The following TCEA1 variants were observed in gnomAD, a reference collection of about 807,000 sequenced individuals.
The protein encoded by TCEA1 is transcription elongation factor A1.
TCEA1 carries 21 observed loss-of-function variants against 43.8 expected under a neutral mutation model. The observed-to-expected ratio is 0.48, with a 90% CI of 0.34 to 0.69. The LOEUF (loss-of-function observed/expected upper bound fraction) is 0.69, where lower values mean the gene tolerates loss of function less well. Among genes scored for constraint, TCEA1 ranks in the 30% least tolerant of loss-of-function variants. TCEA1 has a pLI of 0.01. For missense variants in TCEA1, 250 were observed against 365.1 expected (o/e 0.68, Z 2.57); for synonymous variants, 104 against 117.5 (o/e 0.88, Z 0.75).
chr8:53,982,802 T>C (rs1332953007), intron 7 of TCEA1, among the ~76,000 whole-genome samples: 1 of 152,022 alleles, frequency 6.6e-6, no homozygotes, highest in Non-Finnish European at 1.5e-5. Context: ...CTATTCCTGG[T>C]GAAGATGCTG....
chr8:53,997,550 G>C (rs1213337138), intron 3 of TCEA1, among the ~76,000 whole-genome samples: 1 of 152,130 alleles, frequency 6.6e-6, no homozygotes, highest in Non-Finnish European at 1.5e-5. Flanking sequence ...TGTACAACCT[G>C]ATCTAATCAT....
chr8:53,999,760 C>T, intron 3 of TCEA1, 185 bp downstream of exon 3: 2 of 492,556 alleles, frequency 4.1e-6, no homozygotes, highest in Non-Finnish European at 3.6e-6. Context: ...TTTGACTGGC[C>T]TAAAAGGCAA....
In TCEA1 at chr8:53,967,499, A is replaced by G. The variant is rs1179527209; in HGVS notation, c.*605T>C. ...TAATATACATGTACAAGAAATTACA[A>G]GAAATGATGATCACGGTTAGTTACA... On this transcript the variant is annotated 3_prime_UTR_variant, in exon 10 of 10. Transcript: ENST00000521604. The G allele has an allele frequency of 5.0e-6, 1 of 200,802 alleles. No individual in the cohort carries two copies. Among genetic ancestry groups the G allele is most frequent in the African/African-American group, 2.3e-5 (1 of 43,642 alleles). 12.4% of individuals were successfully genotyped at this position (200,802 alleles called of 1,614,324 possible).
intron 8 of TCEA1, chr8:53,973,677 C>A: frequency 1.8e-6 from 1 of 556,132 alleles, no homozygotes; most frequent in Non-Finnish European, 3.5e-6. Flanking sequence ...GAAGAAAAAG[C>A]AGCTCATGAA....
intron 2 of TCEA1, 179 bp downstream of exon 2, chr8:54,010,251 G>T (rs1330308374): frequency 7.3e-6 from 4 of 546,028 alleles, no homozygotes; most frequent in Non-Finnish European, 1.3e-5. Flanking sequence ...AGGCGACATT[G>T]CTCTATAATG....
chr8:53,984,298 T>C, intron 7 of TCEA1, 65 bp downstream of exon 7: 1 of 1,441,586 alleles, frequency 6.9e-7, no homozygotes, highest in Non-Finnish European at 9.3e-7. Flanking sequence ...TCTATGATGA[T>C]AATAGGCTTT....
Position 53,987,133 on chromosome 8 carries a change from C to A in TCEA1, c.467-108G>T, listed in dbSNP as rs191514085. 5.3e-3 allele frequency: 4,748 copies of A among 900,624 alleles called. 26 individuals are homozygous for A. Among genetic ancestry groups the A allele is most frequent in the Non-Finnish European group, 6.3e-3 (3,648 of 576,806 alleles). The allele number at this position is 900,624 out of a possible 1,614,324, so 55.8% of individuals were successfully genotyped here. A position where few individuals can be genotyped will look rare whatever the true frequency, so the allele number is the denominator to read the frequency against. ...TATTTCTTAAACCCCATTTGCCTGA[C>A]ATAAAGAAACCGTTCAGTTTAGTTC... On this transcript the variant is annotated intron_variant, in intron 5 of 9. Coordinates refer to ENST00000521604, the MANE Select transcript of TCEA1 (RefSeq NM_006756.4).
At chr8:53,988,793 A>G (rs1803775741) in intron 4 of TCEA1, among the ~76,000 whole-genome samples, 2 of 152,304 alleles carry the variant, frequency 1.3e-5, no homozygotes, top group East Asian at 1.9e-4. Context: ...TTCACTGGGC[A>G]TGGTGGCTCA....
Position 53,968,083 on chromosome 8 carries a change from T to G in TCEA1, c.*21A>C. 1 of 1,526,798 alleles carries G rather than the reference T, an allele frequency of 6.5e-7. No individual in the cohort carries two copies. The highest frequency in any genetic ancestry group is 8.9e-7 in the Non-Finnish European group (1 of 1,129,480). The allele number at this position is 1,526,798 out of a possible 1,614,324, so 94.6% of individuals were successfully genotyped here. On this transcript the variant is annotated 3_prime_UTR_variant, in exon 10 of 10. Coordinates refer to ENST00000521604, the MANE Select transcript of TCEA1 (RefSeq NM_006756.4). Reference sequence around the variant, plus strand: ...AAATCCGTTTTCTTAATGGTCCAGATATTTTGCCAATTCTTCCAACTCAAC... The same window carrying G: ...AAATCCGTTTTCTTAATGGTCCAGAGATTTTGCCAATTCTTCCAACTCAAC...
At chr8:54,008,003 G>T (rs969304170) in intron 2 of TCEA1, among the ~76,000 whole-genome samples, 1 of 151,832 alleles carries the variant, frequency 6.6e-6, no homozygotes, top group African/African-American at 2.4e-5. Context: ...CCAACATGGT[G>T]AAACCCCGTC....
chr8:53,999,392 T>A (rs1456667165), intron 3 of TCEA1, among the ~76,000 whole-genome samples: 1 of 152,034 alleles, frequency 6.6e-6, no homozygotes, highest in African/African-American at 2.4e-5. Flanking sequence ...TTCCTATATT[T>A]CTTATACTAT....
intron 2 of TCEA1, among the ~76,000 whole-genome samples, chr8:54,008,990 C>T (rs1804566466): frequency 6.6e-6 from 1 of 151,496 alleles, no homozygotes; most frequent in Admixed American, 6.6e-5. Flanking sequence ...GCTGGGACTA[C>T]AGGTATGCAC....
intron 1 of TCEA1, among the ~76,000 whole-genome samples, chr8:54,019,210 T>G (rs1273422200): frequency 6.6e-6 from 1 of 152,202 alleles, no homozygotes; most frequent in Non-Finnish European, 1.5e-5. Context: ...TAAAATATTT[T>G]TTTAAATGAT....
At chr8:53,992,673 T>G (rs1378203973) in intron 4 of TCEA1, among the ~76,000 whole-genome samples, 1 of 152,220 alleles carries the variant, frequency 6.6e-6, no homozygotes, top group Admixed American at 6.5e-5. Flanking sequence ...GGACGAAGTC[T>G]GAGAATCTGT....
chr8:54,003,016 G>A, intron 2 of TCEA1: 1 of 456,230 alleles, frequency 2.2e-6, no homozygotes, highest in South Asian at 1.5e-5. Flanking sequence ...AGCAGATTTG[G>A]TGTGCTCCAG....
intron 4 of TCEA1, 99 bp downstream of exon 4, chr8:53,993,569 A>T: frequency 1.1e-6 from 1 of 932,430 alleles, no homozygotes; most frequent in South Asian, 1.7e-5. Context: ...TTAGAAAACA[A>T]AAAAAGGAGT....
intron 8 of TCEA1, chr8:53,978,605 G>A (rs1803407474): frequency 6.5e-6 from 1 of 153,726 alleles, no homozygotes; most frequent in South Asian, 2.0e-4. Flanking sequence ...ATCATCAGAA[G>A]GTCAACAGCA....
intron 1 of TCEA1, among the ~76,000 whole-genome samples, chr8:54,016,927 T>A (rs1804846863): frequency 7.4e-6 from 1 of 135,678 alleles, no homozygotes; most frequent in South Asian, 2.3e-4. Context: ...TGAGCCGAGA[T>A]CGCGCCACTG....
intron 3 of TCEA1, among the ~76,000 whole-genome samples, chr8:53,999,211 T>TC (rs1804169571): frequency 2.6e-5 from 3 of 114,570 alleles, no homozygotes; most frequent in Non-Finnish European, 4.9e-5. Flanking sequence ...GGCAACAGAG[T>TC]GAGACTCAGT....
Sources: gnomAD v4.1 joint callset for allele counts (sites outside exome capture counted in the v4.1 genomes callset) on GRCh38, gnomAD v4.1.1 for gene constraint, MANE v1.5 for transcripts, NCBI Gene and HGNC (gene_info 2026-07-23, HGNC 2026-07-21) for gene names.